CCDC42: variants seen among roughly 807,000 people sequenced by gnomAD.
The protein encoded by CCDC42 is coiled-coil domain-containing protein 42.
Under a neutral mutation model 40.8 loss-of-function variants are expected in CCDC42, and 38 were observed. That is an observed-to-expected ratio of 0.93 (90% CI 0.72 to 1.22). CCDC42 has a LOEUF of 1.22. Ranked by LOEUF, CCDC42 falls within the 50% of genes most tolerant of loss-of-function variation. The probability of loss-of-function intolerance (pLI) is 0.00; values close to 1 mark genes in which losing one functional copy is unlikely to be tolerated. For missense variants in CCDC42, 379 were observed against 416.5 expected (o/e 0.91, Z 0.78); for synonymous variants, 135 against 157.5 (o/e 0.86, Z 1.07).
intron 3 of CCDC42, among the ~76,000 whole-genome samples, chr17:8,742,333 C>T (rs1253252957): frequency 2.0e-5 from 3 of 152,144 alleles, no homozygotes; most frequent in African/African-American, 7.2e-5. Context: ...AGGAGATGTG[C>T]CTGGTGCCAT....
chr17:8,741,618 T>C lies in CCDC42; in HGVS notation c.348A>G (p.Glu116=). The change falls in exon 4 of 7, where the codon GAA becomes GAG. Residue 116 remains glutamate (E), a synonymous_variant. Transcript: ENST00000293845. ...RAMKKANKER[E]LKCQHMQELT... ...GCTCCTGCATGTGCTGGCACTTGAG[T>C]TCTCGCTCCTTGTTGGCTTTCTTCA... 1 of 1,614,026 alleles carries C rather than the reference T, an allele frequency of 6.2e-7. No homozygotes were observed. Among genetic ancestry groups the C allele is most frequent in the Non-Finnish European group, 8.5e-7 (1 of 1,180,010 alleles).
intron 3 of CCDC42, among the ~76,000 whole-genome samples, chr17:8,742,771 G>A (rs1008866252): frequency 4.6e-5 from 7 of 152,216 alleles, no homozygotes; most frequent in African/African-American, 9.6e-5. Flanking sequence ...AACCTCAGAC[G>A]TGCTGAAAGC....
rs1001516177 is a variant in CCDC42, at chr17:8,734,997, G to T, written c.873+99C>A. The T allele has an allele frequency of 4.5e-6, 6 of 1,321,588 alleles. No individual in the cohort carries two copies. The African/African-American group carries it at 8.7e-5, about 19-fold the overall frequency. 81.9% of individuals were successfully genotyped at this position (1,321,588 alleles called of 1,614,324 possible). A position where few individuals can be genotyped will look rare whatever the true frequency, so the allele number is the denominator to read the frequency against. On this transcript the variant is annotated intron_variant, in intron 6 of 6. Transcript: ENST00000293845. ...ATGTTGTTAAATTTTGAGAGTCCCTGCTCTGCTTCTCTGTCAGGTTCATTC... is the reference window on the plus strand; with the variant it reads ...ATGTTGTTAAATTTTGAGAGTCCCTTCTCTGCTTCTCTGTCAGGTTCATTC...
chr17:8,744,210 G>A (rs1375895419), intron 1 of CCDC42, 26 bp from the exon 2 acceptor site: 18 of 1,568,378 alleles, frequency 1.1e-5, no homozygotes, highest in African/African-American at 2.7e-5. Context: ...ACGCGAGAGG[G>A]CTGTGTGTTC....
intron 4 of CCDC42, among the ~76,000 whole-genome samples, chr17:8,740,453 C>T (rs1169178955): frequency 6.9e-6 from 1 of 145,078 alleles, no homozygotes; most frequent in East Asian, 2.0e-4. Flanking sequence ...CAAGCCACTG[C>T]ACTCCAGGCT....
At position 8,741,559 on chromosome 17, in the gene CCDC42, C is replaced by T. The variant is rs751825876; in HGVS notation, c.407G>A (p.Arg136Gln). The T allele has an allele frequency of 1.5e-5, 25 of 1,614,052 alleles. No individual in the cohort carries two copies. Among genetic ancestry groups the T allele is most frequent in the African/African-American group, 5.3e-5 (4 of 74,930 alleles). The change falls in exon 4 of 7, where the codon CGG (arginine) becomes CAG (glutamine). Residue 136 changes from arginine (R) to glutamine (Q), a missense_variant. Physicochemically the swap from Arg to Gln is conservative, Grantham distance 43. Coordinates refer to ENST00000293845, the MANE Select transcript of CCDC42 (RefSeq NM_144681.3). ...TKRKQEMVAL[R>Q]LEHQRLSAKL... ...GGCGCTCAGCCGCTGGTGCTCCAGCCGCAGCGCCACCATCTCCTGCTTGCG... is the reference window on the plus strand; with the variant it reads ...GGCGCTCAGCCGCTGGTGCTCCAGCTGCAGCGCCACCATCTCCTGCTTGCG...
At chr17:8,732,677 T>A (rs1005898133) in intron 6 of CCDC42, among the ~76,000 whole-genome samples, 2 of 152,226 alleles carry the variant, frequency 1.3e-5, no homozygotes, top group Non-Finnish European at 1.5e-5. Context: ...CATAGAACTA[T>A]AGCAAAGACT....
chr17:8,740,352 A>G (rs1297703479), intron 4 of CCDC42, among the ~76,000 whole-genome samples: 1 of 152,026 alleles, frequency 6.6e-6, no homozygotes, highest in Non-Finnish European at 1.5e-5. Context: ...GCTGGGCGTG[A>G]TGGCGGGTGC....
At chr17:8,740,526 A>G (rs934122371) in intron 4 of CCDC42, among the ~76,000 whole-genome samples, 1 of 150,506 alleles carries the variant, frequency 6.6e-6, no homozygotes, top group Non-Finnish European at 1.5e-5. Flanking sequence ...AGGATCTGAG[A>G]CAGAGAACCT....
chr17:8,730,905 G>A lies in CCDC42; in HGVS notation c.874-698C>T, dbSNP rs541019989. Among the ~76,000 whole-genome samples the A allele has an allele frequency of 3.9e-5, 6 of 152,286 alleles. No homozygotes were observed. In the East Asian group the frequency reaches 7.7e-4, roughly 20 times the overall value. On this transcript the variant is annotated intron_variant, in intron 6 of 6. Transcript: ENST00000293845. ...GCAGACCGCCTTCCACAACTTCACC[G>A]CCCTCAAGGTGGTCGTGCATTCGAA...
rs1378240568 is a variant in CCDC42, at chr17:8,735,635, T to C, written c.493-24A>G. On this transcript the variant is annotated intron_variant, in intron 4 of 6. Transcript: ENST00000293845. The surrounding 1 kb of genome is among the most constrained non-coding windows in gnomAD (Gnocchi z 4.7). ...AACTGTGGTCAGGGGCTCAGGTCAA[T>C]GCACAGCCAGCCCCTGGGGCCTGAG... 6 of 1,598,964 alleles carry C rather than the reference T, an allele frequency of 3.8e-6. No homozygotes were observed. The African/African-American group carries it at 6.7e-5, about 18-fold the overall frequency.
chr17:8,735,059 C>A lies in CCDC42; in HGVS notation c.873+37G>T. The stretch of plus-strand genomic sequence containing the variant: ...CAACTGGCAACCTCCTCGGCCCAGC[C>A]GACCCCACGGGCCCAGTGCCTGTCC... On this transcript the variant is annotated intron_variant, in intron 6 of 6. Coordinates refer to ENST00000293845, the MANE Select transcript of CCDC42 (RefSeq NM_144681.3). The surrounding 1 kb of genome is among the most constrained non-coding windows in gnomAD (Gnocchi z 4.7). 1 of 1,610,886 alleles carries A rather than the reference C, an allele frequency of 6.2e-7. No homozygotes were observed. Among genetic ancestry groups the A allele is most frequent in the Non-Finnish European group, 8.5e-7 (1 of 1,177,814 alleles).
At chr17:8,732,993 G>A (rs751356035) in intron 6 of CCDC42, among the ~76,000 whole-genome samples, 1 of 152,144 alleles carries the variant, frequency 6.6e-6, no homozygotes, top group African/African-American at 2.4e-5. Flanking sequence ...TGGTTGCAGG[G>A]ATGCTGTTGA....
chr17:8,735,484 A>G lies in CCDC42; in HGVS notation c.620T>C (p.Met207Thr), dbSNP rs371274592. Reference sequence around the variant, plus strand: ...CAGGATCTCATCATCCTTTTCCTCCATGTAGCGCGCCAGCCGGGCCTTGGC... The same window carrying G: ...CAGGATCTCATCATCCTTTTCCTCCGTGTAGCGCGCCAGCCGGGCCTTGGC... ...ERAKARLARY[M>T]EEKDDEILQQ... The change falls in exon 5 of 7, where the codon ATG becomes ACG. Residue 207 changes from methionine (M) to threonine (T), a missense_variant. Coordinates refer to ENST00000293845, the MANE Select transcript of CCDC42 (RefSeq NM_144681.3). This position sits in a 1 kb window ranked among gnomAD's most constrained non-coding sequence, Gnocchi z 4.7. The G allele has an allele frequency of 1.5e-4, 236 of 1,613,892 alleles. No individual in the cohort carries two copies. Among genetic ancestry groups the G allele is most frequent in the Non-Finnish European group, 1.9e-4 (224 of 1,180,004 alleles).
intron 6 of CCDC42, among the ~76,000 whole-genome samples, chr17:8,732,989 C>G (rs914688212): frequency 1.3e-5 from 2 of 152,152 alleles, no homozygotes; most frequent in East Asian, 3.8e-4. Flanking sequence ...GCATTGGTTG[C>G]AGGGATGCTG....
chr17:8,742,274 C>T (rs1231302690), intron 3 of CCDC42, among the ~76,000 whole-genome samples: 2 of 152,164 alleles, frequency 1.3e-5, no homozygotes, highest in African/African-American at 4.8e-5. Flanking sequence ...GAGCCCCTCT[C>T]CCTTTCAGAA....
At chr17:8,739,667 C>T (rs1327926426) in intron 4 of CCDC42, among the ~76,000 whole-genome samples, 3 of 152,118 alleles carry the variant, frequency 2.0e-5, no homozygotes, top group Non-Finnish European at 2.9e-5. Context: ...CTCAGCCTTC[C>T]GAGTAGCTGG....
chr17:8,736,795 C>G (rs117342153), intron 4 of CCDC42, among the ~76,000 whole-genome samples: 18 of 151,858 alleles, frequency 1.2e-4, no homozygotes, highest in Non-Finnish European at 2.2e-4. Context: ...GGAGGTGAGG[C>G]AGTGCTACAG....
At chr17:8,737,053 GAA>G (rs1302772726) in intron 4 of CCDC42, among the ~76,000 whole-genome samples, 1 of 112,668 alleles carries the variant, frequency 8.9e-6, no homozygotes, top group East Asian at 2.7e-4. Context: ...GGAAGGGAAA[GAA>G]AAAAGAAAAG....
Sources: gnomAD v4.1 joint callset for allele counts (sites outside exome capture counted in the v4.1 genomes callset) on GRCh38, gnomAD v4.1.1 for gene constraint, Gnocchi (gnomAD v3.1) non-coding constraint, MANE v1.5 for transcripts, NCBI Gene and HGNC (gene_info 2026-07-23, HGNC 2026-07-21) for gene names.